MEF2A: variants seen among roughly 807,000 people sequenced by gnomAD.
MEF2A encodes the protein myocyte-specific enhancer factor 2A.
Under a neutral mutation model 55.8 loss-of-function variants are expected in MEF2A, and 28 were observed. That is an observed-to-expected ratio of 0.50 (90% CI 0.37 to 0.69). MEF2A has a LOEUF of 0.69. Among genes scored for constraint, MEF2A ranks in the 30% least tolerant of loss-of-function variants. The pLI, the probability that MEF2A is intolerant of heterozygous loss-of-function variation, is 0.00. For synonymous variants in MEF2A, 239 were observed against 227.1 expected, an observed-to-expected ratio of 1.05 and a Z score of -0.47; for missense variants, 528 against 626.2, an observed-to-expected ratio of 0.84 and a Z score of 1.67.
intron 2 of MEF2A, among the ~76,000 whole-genome samples, chr15:99,627,419 CAAAAAAAAAAA>C (rs139658538): frequency 4.9e-4 from 21 of 43,058 alleles, no homozygotes; most frequent in African/African-American, 1.8e-3. Flanking sequence ...GACTTTATCT[CAAAAAAAAAAA>C]AAAAAAAAAA....
chr15:99,609,848 T>C (rs777109902), intron 2 of MEF2A, among the ~76,000 whole-genome samples: 3 of 152,272 alleles, frequency 2.0e-5, no homozygotes, highest in African/African-American at 7.2e-5. Flanking sequence ...TTTATTTATA[T>C]ATTTTATAAG....
At chr15:99,649,780 A>G (rs1164154455) in intron 4 of MEF2A, among the ~76,000 whole-genome samples, 1 of 152,202 alleles carries the variant, frequency 6.6e-6, no homozygotes, top group African/African-American at 2.4e-5. Flanking sequence ...ATAAAAGCCT[A>G]GAGCCAATAG....
chr15:99,666,563 TC>T (rs1200903022), intron 4 of MEF2A, among the ~76,000 whole-genome samples: 2 of 119,918 alleles, frequency 1.7e-5, no homozygotes, highest in Non-Finnish European at 3.8e-5. Context: ...TGCACATGTA[TC>T]CCAGAACTTA....
intron 1 of MEF2A, among the ~76,000 whole-genome samples, chr15:99,571,014 G>A (rs112531867): frequency 3.3e-5 from 5 of 151,786 alleles, no homozygotes; most frequent in African/African-American, 1.2e-4. Context: ...GTGAAACCCC[G>A]TTTCCACTAA....
chr15:99,689,556 C>T (rs325384), intron 7 of MEF2A, among the ~76,000 whole-genome samples: 34,122 of 152,070 alleles, frequency 0.22, 4,554 homozygotes, highest in South Asian at 0.31. Context: ...TCTCAGCTCA[C>T]GGCAACCTCC....
intron 8 of MEF2A, among the ~76,000 whole-genome samples, chr15:99,692,277 A>G (rs753495731): frequency 6.6e-6 from 1 of 152,248 alleles, no homozygotes; most frequent in South Asian, 2.1e-4. Flanking sequence ...AGTTCAAAAT[A>G]GAGCTAGGAC....
At chr15:99,671,701 G>T in intron 5 of MEF2A, 1 of 1,471,676 alleles carries the variant, frequency 6.8e-7, no homozygotes, top group South Asian at 1.4e-5. Context: ...TGTGCATGAA[G>T]AGATTGACCA....
chr15:99,706,186 G>A (rs1374265213), intron 9 of MEF2A, among the ~76,000 whole-genome samples: 1 of 152,198 alleles, frequency 6.6e-6, no homozygotes, highest in Non-Finnish European at 1.5e-5. Flanking sequence ...ATACATGTCC[G>A]AATCTGTTGT....
rs2058877620 is a variant in MEF2A at position 99,713,653 on chromosome 15, TTCTGC to T, written c.*884_*888del. The T allele has an allele frequency of 6.6e-6, 1 of 152,214 alleles. No individual in the cohort carries two copies. Among genetic ancestry groups the T allele is most frequent in the African/African-American group, 2.4e-5 (1 of 41,458 alleles). The allele number at this position is 152,214 out of a possible 1,614,324, so 9.4% of individuals were successfully genotyped here. On this transcript the variant is annotated 3_prime_UTR_variant, in exon 12 of 12. Coordinates refer to ENST00000557942, the MANE Select transcript of MEF2A (RefSeq NM_001319206.4). ...ATTATATTCACTACTTTTGAACACA[TTCTGC>T]TATGAATTATTTATATAAGCCAAAG...
At chr15:99,604,765 A>G (rs1373191743) in intron 2 of MEF2A, among the ~76,000 whole-genome samples, 1 of 150,402 alleles carries the variant, frequency 6.6e-6, no homozygotes, top group African/African-American at 2.5e-5. Flanking sequence ...GTACGTGTAT[A>G]AGTTAGTATC....
chr15:99,597,707 C>G (rs1272888072), intron 1 of MEF2A, among the ~76,000 whole-genome samples: 1 of 152,112 alleles, frequency 6.6e-6, no homozygotes, highest in Non-Finnish European at 1.5e-5. Flanking sequence ...TGATGTCTCC[C>G]CTGGACGCCC....
chr15:99,591,316 GT>G (rs1031007554), intron 1 of MEF2A, among the ~76,000 whole-genome samples: 1 of 151,474 alleles, frequency 6.6e-6, no homozygotes, highest in Admixed American at 6.6e-5. Flanking sequence ...AGCTTACAGA[GT>G]TTTTTTTTGT....
At chr15:99,576,561 CTTTCT>C (rs774201378) in intron 1 of MEF2A, among the ~76,000 whole-genome samples, 2 of 151,462 alleles carry the variant, frequency 1.3e-5, no homozygotes, top group South Asian at 2.1e-4. Flanking sequence ...TTGTGGAAAC[CTTTCT>C]TTTAAGTGAA....
At chr15:99,612,386 A>T (rs2039426039) in intron 2 of MEF2A, among the ~76,000 whole-genome samples, 1 of 152,156 alleles carries the variant, frequency 6.6e-6, no homozygotes, top group Non-Finnish European at 1.5e-5. Flanking sequence ...CACTCACTCC[A>T]GTCTGGATGA....
At chr15:99,662,349 A>C (rs772068442) in intron 4 of MEF2A, among the ~76,000 whole-genome samples, 2 of 152,360 alleles carry the variant, frequency 1.3e-5, no homozygotes, top group African/African-American at 2.4e-5. Context: ...GTAGCTAGAA[A>C]GAATAGTATA....
chr15:99,628,581 C>G (rs568485016), intron 2 of MEF2A, among the ~76,000 whole-genome samples: 1 of 152,198 alleles, frequency 6.6e-6, no homozygotes, highest in East Asian at 1.9e-4. Flanking sequence ...GCCATAGTTA[C>G]CCAAGAGATT....
chr15:99,631,643 A>T (rs1036820802), intron 2 of MEF2A, among the ~76,000 whole-genome samples: 1 of 151,294 alleles, frequency 6.6e-6, no homozygotes, highest in Non-Finnish European at 1.5e-5. Context: ...ATTAGGAATC[A>T]TATCCTTTTT....
chr15:99,592,727 A>G (rs1416154838), intron 1 of MEF2A, among the ~76,000 whole-genome samples: 1 of 152,074 alleles, frequency 6.6e-6, no homozygotes, highest in Non-Finnish European at 1.5e-5. Flanking sequence ...CTCTTGAACA[A>G]CCAGATCTTG....
At chr15:99,710,595 C>G in intron 10 of MEF2A, 39 bp from the exon 11 acceptor site, 1 of 1,589,088 alleles carries the variant, frequency 6.3e-7, no homozygotes, top group Non-Finnish European at 8.6e-7. Flanking sequence ...CCGTATGGAC[C>G]TTCCATCATA....
Sources: gnomAD v4.1 joint callset for allele counts (sites outside exome capture counted in the v4.1 genomes callset) on GRCh38, gnomAD v4.1.1 for gene constraint, MANE v1.5 for transcripts, NCBI Gene and HGNC (gene_info 2026-07-23, HGNC 2026-07-21) for gene names.